The following OAS3 variants were observed in gnomAD, a reference collection of about 807,000 sequenced individuals.
OAS3 encodes 2'-5'-oligoadenylate synthetase 3, also known as 2'-5'-oligoadenylate synthase 3.
A neutral mutation model predicts 113.0 loss-of-function variants in OAS3; 107 were observed. That is an observed-to-expected ratio of 0.95 (90% CI 0.81 to 1.11). The LOEUF is 1.11. Ranked by LOEUF, OAS3 falls within the 50% of genes most tolerant of loss-of-function variation. The pLI is 0.00. For missense variants in OAS3, 1,258 were observed against 1,389.1 expected (o/e 0.91, Z 1.50); for synonymous variants, 552 against 573.6 (o/e 0.96, Z 0.54).
chr12:112,948,498 G>T (rs1192204939), intron 5 of OAS3, among the ~76,000 whole-genome samples: 5 of 59,410 alleles, frequency 8.4e-5, no homozygotes, highest in South Asian at 6.2e-4. Flanking sequence ...GTAAGACTCC[G>T]TCCCAAAAAA....
At position 112,964,275 on chromosome 12, in the gene OAS3, A is replaced by G. The variant is rs780828042; in HGVS notation, c.2270A>G (p.Lys757Arg). Residue 757 changes from lysine (K) to arginine (R), a missense_variant, in exon 11 of 16, where the codon AAG becomes AGG. Physicochemically the swap from Lys to Arg is conservative, Grantham distance 26. Coordinates refer to ENST00000228928, the MANE Select transcript of OAS3 (RefSeq NM_006187.4). ...CAAACCCCAGCTGGGGACCTTGACA[A>G]GTTCATCAGTGAATTTCTCCAGCCC... Reference protein sequence around the residue: ...LYQTPAGDLDKFISEFLQPNR... With the variant: ...LYQTPAGDLDRFISEFLQPNR... 10 of 1,603,054 alleles carry G rather than the reference A, an allele frequency of 6.2e-6. No homozygotes were observed. Among genetic ancestry groups the G allele is most frequent in the Non-Finnish European group, 8.5e-6 (10 of 1,174,544 alleles).
intron 7 of OAS3, among the ~76,000 whole-genome samples, chr12:112,952,657 C>T (rs1350398337): frequency 6.6e-6 from 1 of 152,136 alleles, no homozygotes; most frequent in African/African-American, 2.4e-5. Context: ...TACAGAAATA[C>T]ATCTTTTAGT....
intron 15 of OAS3, 22 bp from the exon 16 acceptor site, chr12:112,969,940 A>T: frequency 6.2e-7 from 1 of 1,606,528 alleles, no homozygotes; most frequent in Non-Finnish European, 8.5e-7. Flanking sequence ...GGTTACCAAC[A>T]TCTCTTATAA....
intron 12 of OAS3, among the ~76,000 whole-genome samples, chr12:112,967,155 C>G (rs2043941277): frequency 6.6e-6 from 1 of 152,200 alleles, no homozygotes; most frequent in Non-Finnish European, 1.5e-5. Flanking sequence ...GACAGGCTAG[C>G]TCCCAGCTGA....
chr12:112,962,591 A>T, intron 8 of OAS3, 61 bp from the exon 9 acceptor site: 1 of 1,578,954 alleles, frequency 6.3e-7, no homozygotes. Context: ...CCAAGTGCTT[A>T]TGGCCACACT....
At position 112,963,238 on chromosome 12, in the gene OAS3, CT is replaced by C; in HGVS notation, c.2085-71del. ...GACACTCTTTCCAGCCCTCACGCCC[CT>C]TTTCAGCCCTTCCACCCGCCTCCTC... On this transcript the variant is annotated intron_variant, in intron 9 of 15. Coordinates refer to ENST00000228928, the MANE Select transcript of OAS3 (RefSeq NM_006187.4). This position sits in a 1 kb window ranked among gnomAD's most constrained non-coding sequence, Gnocchi z 4.6. 1 of 1,459,978 alleles carries C rather than the reference CT, an allele frequency of 6.8e-7. No homozygotes were observed. The highest frequency in any genetic ancestry group is 2.3e-4 in the Middle Eastern group (1 of 4,328). 90.4% of individuals were successfully genotyped at this position (1,459,978 alleles called of 1,614,324 possible). A position where few individuals can be genotyped will look rare whatever the true frequency, so the allele number is the denominator to read the frequency against.
Position 112,955,990 on chromosome 12 carries a change from A to G in OAS3, c.1657+5015A>G, listed in dbSNP as rs1593180488. 3.9e-5 allele frequency among the ~76,000 whole-genome samples: 6 copies of G among 152,320 alleles called. No homozygotes were observed. The South Asian group carries it at 1.2e-3, about 32-fold the overall frequency. ...CTGGACTTTTTTTGGTTGGTAGGCTATTAATTATTGCCTCAATTTCAGAGT... is the reference window on the plus strand; with the variant it reads ...CTGGACTTTTTTTGGTTGGTAGGCTGTTAATTATTGCCTCAATTTCAGAGT... On this transcript the variant is annotated intron_variant, in intron 7 of 15. Coordinates refer to ENST00000228928, the MANE Select transcript of OAS3 (RefSeq NM_006187.4).
At position 112,969,614 on chromosome 12, in the gene OAS3, C is replaced by A; in HGVS notation, c.3111C>A (p.Ile1037=). 1 of 1,598,300 alleles carries A rather than the reference C, an allele frequency of 6.3e-7. No homozygotes were observed. Among genetic ancestry groups the A allele is most frequent in the Non-Finnish European group, 8.5e-7 (1 of 1,172,022 alleles). The change falls in exon 15 of 16, where the codon ATC becomes ATA. Residue 1037 remains isoleucine (I), a synonymous_variant. Coordinates refer to ENST00000228928, the MANE Select transcript of OAS3 (RefSeq NM_006187.4). The part of the protein sequence containing the change: ...LKQQLQKPRP[I]ILDPADPTGN... ...CCCTGGGTGGGAATTGCAGGCCTATCATCCTGGATCCGGCTGACCCGACAG... is the reference window on the plus strand; with the variant it reads ...CCCTGGGTGGGAATTGCAGGCCTATAATCCTGGATCCGGCTGACCCGACAG...
intron 12 of OAS3, 80 bp from the exon 13 acceptor site, chr12:112,967,338 A>G: frequency 7.4e-7 from 1 of 1,357,118 alleles, no homozygotes; most frequent in Non-Finnish European, 1.0e-6. Flanking sequence ...GAGGTAGGAG[A>G]TCTCAGAAGT....
Position 112,948,966 on chromosome 12 carries a change from G to A in OAS3, c.1135G>A (p.Ala379Thr). 6.2e-7 allele frequency: 1 copy of A among 1,613,862 alleles called. No homozygotes were observed. Among genetic ancestry groups the A allele is most frequent in the East Asian group, 2.2e-5 (1 of 44,882 alleles). ...GAGCCTCAATGCTGTGTACCCAAGA[G>A]CAGGGAGCAAACCTCCCTCATGCCC... ...SKSLNAVYPR[A>T]GSKPPSCPAP... Residue 379 changes from alanine to threonine, a missense_variant, in exon 6 of 16, where the codon GCA (alanine) becomes ACA (threonine). Ala to Thr is a moderately conservative substitution (Grantham distance 58). Coordinates refer to ENST00000228928, the MANE Select transcript of OAS3 (RefSeq NM_006187.4).
Position 112,950,719 on chromosome 12 carries a change from C to T in OAS3, c.1401C>T (p.Asp467=), listed in dbSNP as rs545188799. The T allele has an allele frequency of 2.5e-5, 40 of 1,614,016 alleles. 2 individuals are homozygous for T. The African/African-American group carries it at 2.8e-4, about 11-fold the overall frequency. Residue 467 remains aspartate, a synonymous_variant, in exon 7 of 16, where the codon GAC becomes GAT. Coordinates refer to ENST00000228928, the MANE Select transcript of OAS3 (RefSeq NM_006187.4). ...GGGGCTCATTTGGCCGGGGCACAGA[C>T]CTAAGGGATGGCTGTGATGTTGAAC... ...SKGGSFGRGT[D]LRDGCDVELI... is the part of the protein sequence containing the mutation.
At chr12:112,968,784 G>A (rs2043958888) in intron 14 of OAS3, among the ~76,000 whole-genome samples, 1 of 152,172 alleles carries the variant, frequency 6.6e-6, no homozygotes, top group African/African-American at 2.4e-5. Flanking sequence ...CAAAGTGCTG[G>A]GATTACAGGC....
In OAS3 at chr12:112,973,237, T is replaced by C. The variant is rs2044000988; in HGVS notation, c.*3264T>C. 6.6e-6 allele frequency: 1 copy of C among 152,238 alleles called. No individual in the cohort carries two copies. Among genetic ancestry groups the C allele is most frequent in the Non-Finnish European group, 1.5e-5 (1 of 68,036 alleles). The allele number at this position is 152,238 out of a possible 1,614,324, so 9.4% of individuals were successfully genotyped here. ...ATCTATTGCCAACATTTCATATAAA[T>C]GGCATCATACAATATGTGGCCTTTT... On this transcript the variant is annotated 3_prime_UTR_variant, in exon 16 of 16. Transcript: ENST00000228928.
rs994781777 is a variant in OAS3 at position 112,948,850 on chromosome 12, T to C, written c.1030-11T>C. 6.5e-7 allele frequency: 1 copy of C among 1,544,386 alleles called. No individual in the cohort carries two copies. Among genetic ancestry groups the C allele is most frequent in the South Asian group, 1.2e-5 (1 of 83,878 alleles). Reference sequence around the variant, plus strand: ...CGCCTGGCTGAGGCAGCTCCTTCAATGACCTTCCAGGGCCTTCCACGTGCT... The same window carrying C: ...CGCCTGGCTGAGGCAGCTCCTTCAACGACCTTCCAGGGCCTTCCACGTGCT... On this transcript the variant is annotated splice_polypyrimidine_tract_variant and intron_variant, in intron 5 of 15. Coordinates refer to ENST00000228928, the MANE Select transcript of OAS3 (RefSeq NM_006187.4).
At chr12:112,958,834 A>G (rs1016496177) in intron 7 of OAS3, among the ~76,000 whole-genome samples, 3 of 152,250 alleles carry the variant, frequency 2.0e-5, no homozygotes, top group Admixed American at 6.5e-5. Flanking sequence ...CTCAGATCTC[A>G]AACTCCATGC....
chr12:112,941,495 C>T, intron 1 of OAS3, 75 bp from the exon 2 acceptor site: 1 of 1,516,838 alleles, frequency 6.6e-7, no homozygotes, highest in South Asian at 1.2e-5. Flanking sequence ...ACTTGCCTCA[C>T]TCAAGTTGCC....
At chr12:112,965,652 A>G (rs1203259470) in intron 11 of OAS3, 92 bp from the exon 12 acceptor site, 2 of 1,203,260 alleles carry the variant, frequency 1.7e-6, no homozygotes, top group Non-Finnish European at 2.3e-6. Flanking sequence ...TGACTTGTCC[A>G]AGGTCACACA....
chr12:112,941,980 C>T, intron 2 of OAS3, 128 bp downstream of exon 2: 1 of 1,171,210 alleles, frequency 8.5e-7, no homozygotes, highest in Non-Finnish European at 1.3e-6. Context: ...CTCTCTCAGC[C>T]TCAGTCTGGG....
chr12:112,942,359 A>G (rs1228920115), intron 2 of OAS3: 5 of 184,520 alleles, frequency 2.7e-5, no homozygotes, highest in Admixed American at 1.1e-4. Flanking sequence ...GGATAATAGT[A>G]ATCTTATAGA....
Sources: allele counts gnomAD v4.1 joint callset (sites outside exome capture counted in the v4.1 genomes callset), GRCh38; gene constraint gnomAD v4.1.1; non-coding constraint Gnocchi (gnomAD v3.1); transcripts MANE v1.5; gene names NCBI Gene and HGNC (gene_info 2026-07-23, HGNC 2026-07-21).